The following LIPI variants were observed in gnomAD, a reference collection of about 807,000 sequenced individuals.
LIPI encodes the protein lipase I, also known as lipase member I.
In LIPI, 59 loss-of-function variants were observed where a neutral mutation model predicts 50.6. That is an observed-to-expected ratio of 1.16 (90% CI 0.94 to 1.45). The LOEUF is 1.45. LIPI is among the 40% of genes most tolerant of loss of function. The probability of loss-of-function intolerance (pLI) is 0.00; values close to 1 mark genes in which losing one functional copy is unlikely to be tolerated. For missense variants in LIPI, 586 were observed against 536.3 expected (o/e 1.09, Z -0.92); for synonymous variants, 203 against 178.2 (o/e 1.14, Z -1.11).
chr21:14,111,522 T>C (rs2016413105), intron 9 of LIPI, among the ~76,000 whole-genome samples: 1 of 152,102 alleles, frequency 6.6e-6, no homozygotes, highest in African/African-American at 2.4e-5. Flanking sequence ...TGCAAATAAT[T>C]TCTCCCATTC....
At chr21:14,200,902 T>G (rs2020029966) in intron 1 of LIPI, among the ~76,000 whole-genome samples, 1 of 152,060 alleles carries the variant, frequency 6.6e-6, no homozygotes, top group African/African-American at 2.4e-5. Context: ...AGCATGATCC[T>G]AGTACAAAAG....
chr21:14,203,943 G>A (rs73164287), intron 1 of LIPI, among the ~76,000 whole-genome samples: 2,270 of 152,090 alleles, frequency 0.015, 28 homozygotes, highest in Middle Eastern at 0.054. Context: ...ACAGGGACAC[G>A]AATGGAGCTA....
intron 7 of LIPI, among the ~76,000 whole-genome samples, chr21:14,160,468 A>G (rs555586411): frequency 2.0e-5 from 3 of 150,980 alleles, no homozygotes; most frequent in Admixed American, 1.3e-4. Flanking sequence ...CTATCAACAA[A>G]TGATGCTGGA....
chr21:14,143,485 T>C (rs2017788939), intron 9 of LIPI: 1 of 152,168 alleles, frequency 6.6e-6, no homozygotes, highest in African/African-American at 2.4e-5. Context: ...TATCATTTAT[T>C]ATTTTTATTT....
In LIPI at chr21:14,123,868, C is replaced by A. The variant is rs144380598; in HGVS notation, c.1296-14788G>T. Among the ~76,000 whole-genome samples the A allele has an allele frequency of 1.7e-3, 254 of 152,306 alleles. 2 individuals are homozygous for A. The highest frequency in any genetic ancestry group is 3.4e-3 in the Middle Eastern group (1 of 294). Reference sequence around the variant, plus strand: ...ACCAAAATAGGCTAGCATTAGACTACCTCCTGGCCTCAGGAGGAGTTTGTG... The same window carrying A: ...ACCAAAATAGGCTAGCATTAGACTAACTCCTGGCCTCAGGAGGAGTTTGTG... On this transcript the variant is annotated intron_variant, in intron 9 of 9. Transcript: ENST00000681601.
intron 2 of LIPI, among the ~76,000 whole-genome samples, chr21:14,186,669 G>T (rs1487773371): frequency 1.3e-5 from 2 of 152,150 alleles, no homozygotes; most frequent in Non-Finnish European, 2.9e-5. Context: ...AATCCCCAAG[G>T]TGATGATATT....
intron 9 of LIPI, among the ~76,000 whole-genome samples, chr21:14,116,335 G>T (rs1461405558): frequency 6.6e-6 from 1 of 152,074 alleles, no homozygotes; most frequent in Non-Finnish European, 1.5e-5. Flanking sequence ...GCGTAAGGCC[G>T]ACAGGATTAG....
At chr21:14,186,590 A>T (rs73346084) in intron 2 of LIPI, among the ~76,000 whole-genome samples, 1,630 of 152,314 alleles carry the variant, frequency 0.011, 30 homozygotes, top group African/African-American at 0.031. Flanking sequence ...TCATAAGAGG[A>T]AAAGATGGAT....
intron 1 of LIPI, among the ~76,000 whole-genome samples, chr21:14,198,658 A>G (rs1311904365): frequency 6.6e-6 from 1 of 152,154 alleles, no homozygotes; most frequent in Non-Finnish European, 1.5e-5. Context: ...TCAGAATCCC[A>G]CACAATAATA....
intron 9 of LIPI, among the ~76,000 whole-genome samples, chr21:14,125,546 G>A (rs1052575633): frequency 1.3e-5 from 2 of 152,120 alleles, no homozygotes; most frequent in African/African-American, 4.8e-5. Context: ...ATAGTGTTTT[G>A]TTTTGTTTTG....
At chr21:14,149,968 C>CT (rs1049014285) in intron 8 of LIPI, among the ~76,000 whole-genome samples, 1 of 152,112 alleles carries the variant, frequency 6.6e-6, no homozygotes, top group African/African-American at 2.4e-5. Context: ...GGAATGTAGC[C>CT]TTTTTTTCAC....
chr21:14,168,117 G>A (rs900168686), intron 4 of LIPI, among the ~76,000 whole-genome samples: 1 of 152,188 alleles, frequency 6.6e-6, no homozygotes, highest in Non-Finnish European at 1.5e-5. Flanking sequence ...GGGTATCAGT[G>A]ATGGAAGATG....
intron 9 of LIPI, 83 bp downstream of exon 9, chr21:14,144,540 T>C (rs2123060394): frequency 4.2e-6 from 3 of 716,456 alleles, no homozygotes; most frequent in South Asian, 1.7e-5. Context: ...TTTGAATACA[T>C]GAATTTTTAA....
rs746115868 is a variant in LIPI at position 14,189,333 on chromosome 21, G to A, written c.133C>T (p.Leu45=). 6 of 1,612,774 alleles carry A rather than the reference G, an allele frequency of 3.7e-6. No individual in the cohort carries two copies. Among genetic ancestry groups the A allele is most frequent in the Middle Eastern group, 1.7e-4 (1 of 6,060 alleles). ...DLFIPRIETI[L]MMYTRNNLNC... is the part of the protein sequence containing the mutation. ...AGGTTGTTCCTTGTATACATCATCAGAATGGTCTCTATTCTCGGAATAAAT... is the reference window on the plus strand; with the variant it reads ...AGGTTGTTCCTTGTATACATCATCAAAATGGTCTCTATTCTCGGAATAAAT... The change falls in exon 2 of 10, where the codon CTG becomes TTG. Residue 45 remains leucine, a synonymous_variant. Transcript: ENST00000681601.
At chr21:14,207,249 C>T (rs187374635) in intron 1 of LIPI, among the ~76,000 whole-genome samples, 11 of 152,184 alleles carry the variant, frequency 7.2e-5, no homozygotes, top group Non-Finnish European at 1.3e-4. Flanking sequence ...TCTACATCAG[C>T]GTAGAATGAC....
At chr21:14,187,796 C>T (rs1405889625) in intron 2 of LIPI, among the ~76,000 whole-genome samples, 57 of 152,078 alleles carry the variant, frequency 3.7e-4, no homozygotes, top group Non-Finnish European at 1.8e-4. Context: ...TGATTAAGCA[C>T]ATATATATTA....
At chr21:14,187,759 T>C (rs934455450) in intron 2 of LIPI, among the ~76,000 whole-genome samples, 10 of 142,936 alleles carry the variant, frequency 7.0e-5, no homozygotes, top group South Asian at 2.4e-4. Flanking sequence ...TGAAAGTTGA[T>C]CTTAATGATT....
At chr21:14,169,461 A>T (rs943710053) in intron 4 of LIPI, among the ~76,000 whole-genome samples, 18 of 152,166 alleles carry the variant, frequency 1.2e-4, no homozygotes, top group African/African-American at 2.7e-4. Context: ...ACATAGTTGG[A>T]AGTAAAGCTC....
chr21:14,196,204 T>A (rs369802236), intron 1 of LIPI, among the ~76,000 whole-genome samples: 11 of 148,706 alleles, frequency 7.4e-5, no homozygotes, highest in Non-Finnish European at 1.5e-4. Context: ...AACTGTGGCA[T>A]GTCTGTGTAA....
Sources: allele counts gnomAD v4.1 joint callset (sites outside exome capture counted in the v4.1 genomes callset), GRCh38; gene constraint gnomAD v4.1.1; transcripts MANE v1.5; gene names NCBI Gene and HGNC (gene_info 2026-07-23, HGNC 2026-07-21).